Variants in PRKN observed in about 807,000 individuals in gnomAD.
PRKN encodes E3 ubiquitin-protein ligase parkin.
PRKN carries 56 observed loss-of-function variants against 59.5 expected under a neutral mutation model. That is an observed-to-expected ratio of 0.94 (90% CI 0.76 to 1.18). The LOEUF (loss-of-function observed/expected upper bound fraction) is 1.18. PRKN is among the 50% of genes most tolerant of loss of function. PRKN has a pLI of 0.00. For missense variants in PRKN, 657 were observed against 596.4 expected (o/e 1.10, Z -1.06); for synonymous variants, 250 against 222.1 (o/e 1.13, Z -1.12).
chr6:162,265,423 G>A (rs1780085725), intron 2 of PRKN, among the ~76,000 whole-genome samples: 1 of 152,162 alleles, frequency 6.6e-6, no homozygotes, highest in Non-Finnish European at 1.5e-5. Context: ...AGGCACAGTA[G>A]CTCACCCCTA....
chr6:161,672,192 C>T (rs1361965604), intron 7 of PRKN, among the ~76,000 whole-genome samples: 1 of 152,220 alleles, frequency 6.6e-6, no homozygotes, highest in African/African-American at 2.4e-5. Context: ...CAACAAAAGA[C>T]AGGAGATGCA....
chr6:161,886,651 C>G (rs999160725), intron 6 of PRKN, among the ~76,000 whole-genome samples: 1 of 151,660 alleles, frequency 6.6e-6, no homozygotes, highest in Non-Finnish European at 1.5e-5. Flanking sequence ...GAGCCGAGAT[C>G]GCGCCACTGC....
At chr6:161,523,722 T>C (rs1410845813) in intron 9 of PRKN, among the ~76,000 whole-genome samples, 30 of 152,230 alleles carry the variant, frequency 2.0e-4, no homozygotes, top group Admixed American at 2.0e-3. Flanking sequence ...CATTGTTTTA[T>C]AAATCAATTT....
At chr6:162,404,990 A>C (rs1470657111) in intron 2 of PRKN, among the ~76,000 whole-genome samples, 1 of 152,204 alleles carries the variant, frequency 6.6e-6, no homozygotes, top group African/African-American at 2.4e-5. Context: ...CACTAGGCCT[A>C]TATTATTAAT....
chr6:162,083,664 G>A lies in PRKN; in HGVS notation c.535-29490C>T, dbSNP rs555771410. ...AATAGAACATCAAATCATCACCATA[G>A]AGATTCAACTTCTCTTTTTAGGAAT... On this transcript the variant is annotated intron_variant, in intron 4 of 11. Coordinates refer to ENST00000366898, the MANE Select transcript of PRKN (RefSeq NM_004562.3). Among the ~76,000 whole-genome samples, 4 of 151,930 alleles carry A rather than the reference G, an allele frequency of 2.6e-5. No individual in the cohort carries two copies. In the East Asian group the frequency reaches 7.7e-4, roughly 29 times the overall value.
chr6:162,179,413 C>T (rs1441979073), intron 4 of PRKN, among the ~76,000 whole-genome samples: 2 of 152,174 alleles, frequency 1.3e-5, no homozygotes, highest in Non-Finnish European at 2.9e-5. Context: ...TTGGAACCTG[C>T]AGTTTGCACC....
intron 1 of PRKN, among the ~76,000 whole-genome samples, chr6:162,489,983 C>T (rs1326970977): frequency 6.6e-6 from 1 of 152,152 alleles, no homozygotes; most frequent in African/African-American, 2.4e-5. Flanking sequence ...GGCATGAGGT[C>T]AGATGCAAAT....
chr6:161,828,935 A>G (rs1792359490), intron 6 of PRKN, among the ~76,000 whole-genome samples: 1 of 151,862 alleles, frequency 6.6e-6, no homozygotes. Context: ...ATCTCAAAAA[A>G]AAAAAAAAGA....
At chr6:162,480,088 T>C (rs192257013) in intron 1 of PRKN, among the ~76,000 whole-genome samples, 234 of 151,864 alleles carry the variant, frequency 1.5e-3, no homozygotes, top group Non-Finnish European at 2.7e-3. Flanking sequence ...ATAGTATAAG[T>C]TCTATAAAAT....
At chr6:161,826,668 A>G (rs1409466386) in intron 6 of PRKN, among the ~76,000 whole-genome samples, 3 of 152,214 alleles carry the variant, frequency 2.0e-5, no homozygotes, top group Non-Finnish European at 2.9e-5. Context: ...TTTTTGAATC[A>G]TGCCAAAACA....
In PRKN at chr6:161,447,389, T is replaced by C. The variant is rs1281931996; in HGVS notation, c.1084-60512A>G. The stretch of plus-strand genomic sequence containing the variant: ...TTAGAAATGAATTTACATTTTGATT[T>C]AGTTATAAATAACTTTTCTTCTGTG... On this transcript the variant is annotated intron_variant, in intron 9 of 11. Transcript: ENST00000366898. This position sits in a 1 kb window ranked among gnomAD's most constrained non-coding sequence, Gnocchi z 4.1. 6.6e-6 allele frequency among the ~76,000 whole-genome samples: 1 copy of C among 152,260 alleles called. No homozygotes were observed. Among genetic ancestry groups the C allele is most frequent in the Non-Finnish European group, 1.5e-5 (1 of 68,046 alleles).
At chr6:161,479,366 T>C (rs1227324783) in intron 9 of PRKN, among the ~76,000 whole-genome samples, 1 of 152,234 alleles carries the variant, frequency 6.6e-6, no homozygotes, top group Non-Finnish European at 1.5e-5. Context: ...TAAGTAATAA[T>C]AAGTAGTGAG....
At chr6:162,082,748 C>T (rs1401381561) in intron 4 of PRKN, among the ~76,000 whole-genome samples, 1 of 151,862 alleles carries the variant, frequency 6.6e-6, no homozygotes, top group African/African-American at 2.4e-5. Flanking sequence ...CTAATTGGCC[C>T]AATTTTCATG....
intron 2 of PRKN, among the ~76,000 whole-genome samples, chr6:162,309,582 T>C (rs1782386416): frequency 6.6e-6 from 1 of 152,144 alleles, no homozygotes; most frequent in African/African-American, 2.4e-5. Flanking sequence ...ATGGAGCTGA[T>C]TTCGATTGTG....
At chr6:162,528,068 C>A (rs950401286) in intron 1 of PRKN, among the ~76,000 whole-genome samples, 1 of 82,914 alleles carries the variant, frequency 1.2e-5, no homozygotes, top group Non-Finnish European at 2.0e-5. Flanking sequence ...CGGGGGAGGG[C>A]GGGGGGGCGG....
chr6:162,009,545 G>A lies in PRKN; in HGVS notation c.619-36128C>T, dbSNP rs151190041. 2.4e-3 allele frequency among the ~76,000 whole-genome samples: 368 copies of A among 151,924 alleles called. 12 individuals are homozygous for A. Among genetic ancestry groups the A allele is most frequent in the African/African-American group, 8.4e-3 (346 of 41,306 alleles). On this transcript the variant is annotated intron_variant, in intron 5 of 11. Transcript: ENST00000366898. Reference sequence around the variant, plus strand: ...CATTTTTCCACAAAGAAGAAAAGCTGAAGCTCAAACACAGACTCGGAGGTT... The same window carrying A: ...CATTTTTCCACAAAGAAGAAAAGCTAAAGCTCAAACACAGACTCGGAGGTT...
intron 1 of PRKN, among the ~76,000 whole-genome samples, chr6:162,616,732 A>AT (rs1297536768): frequency 6.6e-6 from 1 of 152,160 alleles, no homozygotes. Context: ...CTTACATAAT[A>AT]TAACACTATT....
At chr6:162,207,152 C>T (rs542992282) in intron 3 of PRKN, among the ~76,000 whole-genome samples, 127 of 152,192 alleles carry the variant, frequency 8.3e-4, no homozygotes, top group African/African-American at 3.0e-3. Flanking sequence ...GCAGGCGGAT[C>T]ACAAGGTCAG....
chr6:161,802,302 C>A (rs1791114910), intron 6 of PRKN, among the ~76,000 whole-genome samples: 1 of 152,122 alleles, frequency 6.6e-6, no homozygotes, highest in Non-Finnish European at 1.5e-5. Flanking sequence ...TGCCACACTG[C>A]CCCTTCTCTG....
Sources: allele counts gnomAD v4.1 joint callset (sites outside exome capture counted in the v4.1 genomes callset), GRCh38; gene constraint gnomAD v4.1.1; non-coding constraint Gnocchi (gnomAD v3.1); transcripts MANE v1.5; gene names NCBI Gene and HGNC (gene_info 2026-07-23, HGNC 2026-07-21).